The following MYO18A variants were observed in gnomAD, a reference collection of about 807,000 sequenced individuals.
The protein encoded by MYO18A is unconventional myosin-XVIIIa.
MYO18A carries 78 observed loss-of-function variants against 235.8 expected under a neutral mutation model. The ratio of observed to expected loss-of-function variants is 0.33; its 90% confidence interval spans 0.28 to 0.40. The LOEUF (loss-of-function observed/expected upper bound fraction) is 0.40, where lower values mean the gene tolerates loss of function less well. MYO18A is among the 10% of genes least tolerant of loss of function. The pLI, the probability that MYO18A is intolerant of heterozygous loss-of-function variation, is 1.00. For synonymous variants in MYO18A, 977 were observed against 1,077.8 expected (o/e 0.91, Z 1.83); for missense variants, 2,215 against 2,699.3 (o/e 0.82, Z 3.98).
Position 29,073,766 on chromosome 17 carries a change from A to C in MYO18A, c.*1004T>G. On this transcript the variant is annotated 3_prime_UTR_variant, in exon 42 of 42. Coordinates refer to ENST00000527372, the MANE Select transcript of MYO18A (RefSeq NM_078471.4). ...TGGGGGCAGGGAGGTTGGAAGAATG[A>C]CACGGGCTCAGGACACAGAGTGAGG... 7.4e-7 allele frequency: 1 copy of C among 1,359,196 alleles called. No individual in the cohort carries two copies. Among genetic ancestry groups the C allele is most frequent in the Non-Finnish European group, 1.0e-6 (1 of 986,588 alleles). 84.2% of individuals were successfully genotyped at this position (1,359,196 alleles called of 1,614,324 possible). A position where few individuals can be genotyped will look rare whatever the true frequency, so the allele number is the denominator to read the frequency against.
chr17:29,138,362 G>A (rs186991264), intron 2 of MYO18A, among the ~76,000 whole-genome samples: 1 of 152,104 alleles, frequency 6.6e-6, no homozygotes, highest in East Asian at 1.9e-4. Flanking sequence ...TCACACACCG[G>A]AGGCTTCTCC....
intron 2 of MYO18A, among the ~76,000 whole-genome samples, chr17:29,129,614 T>G (rs992957844): frequency 6.6e-6 from 1 of 152,246 alleles, no homozygotes; most frequent in Non-Finnish European, 1.5e-5. Context: ...TGAGTCCTTG[T>G]TACCCAAAAC....
chr17:29,179,291 G>A (rs2068597845), intron 1 of MYO18A, among the ~76,000 whole-genome samples: 1 of 124,304 alleles, frequency 8.0e-6, no homozygotes, highest in Middle Eastern at 4.4e-3. Context: ...AGCTCATTCT[G>A]GCCGCAACCT....
In MYO18A at chr17:29,096,872, A is replaced by G. The variant is rs1343082141; in HGVS notation, c.4274T>C (p.Leu1425Pro). The stretch of plus-strand genomic sequence containing the variant: ...CTGGCACTTCTTCTTGAGCTGCTGC[A>G]GAGCCCGCTGACTCTCCTCACTATC... ...QADSEESQRA[L>P]QQLKKKCQRL... Residue 1425 changes from leucine (L) to proline (P), a missense_variant, in exon 28 of 42, where the codon CTG becomes CCG. Coordinates refer to ENST00000527372, the MANE Select transcript of MYO18A (RefSeq NM_078471.4). The G allele has an allele frequency of 6.3e-7, 1 of 1,581,684 alleles. No homozygotes were observed. The highest frequency in any genetic ancestry group is 2.3e-5 in the East Asian group (1 of 43,244).
At chr17:29,148,582 T>TTG (rs10535921) in intron 2 of MYO18A, among the ~76,000 whole-genome samples, 5,889 of 148,836 alleles carry the variant, frequency 0.04, 148 homozygotes, top group African/African-American at 0.065. Flanking sequence ...CTTTATTCTT[T>TTG]TGTGTGTGTG....
chr17:29,101,348 C>T (rs2066647630), intron 21 of MYO18A, among the ~76,000 whole-genome samples: 1 of 152,130 alleles, frequency 6.6e-6, no homozygotes, highest in Non-Finnish European at 1.5e-5. Context: ...CTCTGTCACC[C>T]AGGCTGGAAT....
At chr17:29,164,938 T>C (rs960753410) in intron 2 of MYO18A, among the ~76,000 whole-genome samples, 2 of 152,204 alleles carry the variant, frequency 1.3e-5, no homozygotes, top group African/African-American at 4.8e-5. Flanking sequence ...AGGTCCATGC[T>C]TTTTCTCCTT....
At chr17:29,085,823 C>T (rs947212595) in intron 39 of MYO18A, among the ~76,000 whole-genome samples, 175 bp from the exon 40 acceptor site, 10 of 152,218 alleles carry the variant, frequency 6.6e-5, no homozygotes, top group African/African-American at 2.2e-4. Flanking sequence ...AAATCTGATG[C>T]GGGCTGCCCC....
chr17:29,086,942 G>A lies in MYO18A; in HGVS notation c.5706C>T (p.His1902=), dbSNP rs139666837. 6.6e-4 allele frequency: 1,072 copies of A among 1,612,532 alleles called. 10 individuals carry two copies. The African/African-American group carries it at 0.013, about 19-fold the overall frequency. The change falls in exon 38 of 42, where the codon CAC becomes CAT. Residue 1902 remains histidine, a synonymous_variant. Transcript: ENST00000527372. Reference sequence around the variant, plus strand: ...GGGGGACAGGGGGCATTACCAGTTCGTGCTTCTTGCGGCTCGCCTCGGCCT... The same window carrying A: ...GGGGGACAGGGGGCATTACCAGTTCATGCTTCTTGCGGCTCGCCTCGGCCT... ...RKEAEASRKK[H]ELEMDLESLE... is the part of the protein sequence containing the mutation.
Position 29,120,807 on chromosome 17 carries a change from A to G in MYO18A, c.1586-49T>C, listed in dbSNP as rs371246407. On this transcript the variant is annotated intron_variant, in intron 6 of 41. Transcript: ENST00000527372. This position sits in a 1 kb window ranked among gnomAD's most constrained non-coding sequence, Gnocchi z 4.2. ...ATATCAGGAAAGCCAGGGGCAGCTT[A>G]TCCCCCAGCTAGGAGCTACCCCAGA... 3.1e-6 allele frequency: 5 copies of G among 1,592,380 alleles called. No homozygotes were observed. In the African/African-American group the frequency reaches 6.7e-5, roughly 21 times the overall value.
chr17:29,098,772 A>T, intron 23 of MYO18A, 54 bp downstream of exon 23: 1 of 1,603,124 alleles, frequency 6.2e-7, no homozygotes, highest in Non-Finnish European at 8.5e-7. Flanking sequence ...CCCAAGATAA[A>T]CCAGCAAGGC....
At chr17:29,169,204 C>T (rs2068346221) in intron 1 of MYO18A, among the ~76,000 whole-genome samples, 1 of 152,040 alleles carries the variant, frequency 6.6e-6, no homozygotes, top group Non-Finnish European at 1.5e-5. Flanking sequence ...GTGCCCGCCA[C>T]CACGCCCAGC....
chr17:29,170,893 A>G (rs1262909841), intron 1 of MYO18A, among the ~76,000 whole-genome samples: 1 of 152,236 alleles, frequency 6.6e-6, no homozygotes, highest in East Asian at 1.9e-4. Context: ...AAGAAAAAAG[A>G]AACAACTAAA....
rs2067335444 is a variant in MYO18A at position 29,126,922 on chromosome 17, C to T, written c.1000-4669G>A. 6.6e-6 allele frequency among the ~76,000 whole-genome samples: 1 copy of T among 152,212 alleles called. No homozygotes were observed. The highest frequency in any genetic ancestry group is 1.5e-5 in the Non-Finnish European group (1 of 68,030). ...TATATCCCAAGGGGCCCACTGTACCCATCTGCCATCCAAGCACAGGGCTCC... is the reference window on the plus strand; with the variant it reads ...TATATCCCAAGGGGCCCACTGTACCTATCTGCCATCCAAGCACAGGGCTCC... On this transcript the variant is annotated intron_variant, in intron 2 of 41. Transcript: ENST00000527372. The surrounding 1 kb of genome is among the most constrained non-coding windows in gnomAD (Gnocchi z 4.1).
At chr17:29,116,333 A>C in intron 11 of MYO18A, 111 bp downstream of exon 11, 2 of 1,279,690 alleles carry the variant, frequency 1.6e-6, no homozygotes, top group Non-Finnish European at 2.3e-6. Context: ...AACAGTGGGG[A>C]GGCAAAAAAG....
chr17:29,179,167 C>G (rs1227200844), intron 1 of MYO18A, among the ~76,000 whole-genome samples: 1 of 152,164 alleles, frequency 6.6e-6, no homozygotes, highest in Non-Finnish European at 1.5e-5. Flanking sequence ...CAAATACAAA[C>G]TATGAGGCCA....
intron 1 of MYO18A, among the ~76,000 whole-genome samples, chr17:29,168,599 AC>A (rs1309633401): frequency 1.3e-5 from 2 of 151,966 alleles, no homozygotes; most frequent in African/African-American, 4.8e-5. Flanking sequence ...CACCCCTACA[AC>A]CAAGCAGGGC....
intron 2 of MYO18A, chr17:29,124,707 G>GGA (rs756058421): frequency 7.8e-7 from 1 of 1,280,172 alleles, no homozygotes; most frequent in Non-Finnish European, 1.0e-6. Context: ...AGCAAGCAAA[G>GGA]GAGAGAGAGA....
At chr17:29,152,600 C>T (rs898156435) in intron 2 of MYO18A, among the ~76,000 whole-genome samples, 1 of 152,168 alleles carries the variant, frequency 6.6e-6, no homozygotes, top group Non-Finnish European at 1.5e-5. Flanking sequence ...CAACACTCCC[C>T]GTGAGCAGAG....
Sources: gnomAD v4.1 joint callset for allele counts (sites outside exome capture counted in the v4.1 genomes callset) on GRCh38, gnomAD v4.1.1 for gene constraint, Gnocchi (gnomAD v3.1) non-coding constraint, MANE v1.5 for transcripts, NCBI Gene and HGNC (gene_info 2026-07-23, HGNC 2026-07-21) for gene names.